Variants in WDSUB1 observed in about 807,000 individuals in gnomAD.
WDSUB1 encodes the protein WD repeat, sterile alpha motif and U-box domain containing 1.
WDSUB1 carries 49 observed loss-of-function variants against 53.9 expected under a neutral mutation model. The ratio of observed to expected loss-of-function variants is 0.91; its 90% CI spans 0.72 to 1.15. The LOEUF (loss-of-function observed/expected upper bound fraction) is 1.15, where lower values mean the gene tolerates loss of function less well. WDSUB1 is among the 50% of genes most tolerant of loss of function. The pLI, the probability that WDSUB1 is intolerant of heterozygous loss-of-function variation, is 0.00. For missense variants in WDSUB1, 514 were observed against 562.0 expected (o/e 0.91, Z 0.86); for synonymous variants, 194 against 200.6 (o/e 0.97, Z 0.28).
At chr2:159,278,104 C>G (rs573354361) in intron 3 of WDSUB1, among the ~76,000 whole-genome samples, 1 of 151,882 alleles carries the variant, frequency 6.6e-6, no homozygotes, top group South Asian at 2.1e-4. Flanking sequence ...CATTTAGAAC[C>G]AAAAAAGGAA....
chr2:159,280,708 A>AAAAAAAC (rs111752652), intron 2 of WDSUB1, among the ~76,000 whole-genome samples: 19 of 134,368 alleles, frequency 1.4e-4, no homozygotes, highest in African/African-American at 4.4e-4. Flanking sequence ...AAAAAAAAAA[A>AAAAAAAC]ATTACCCAGA....
chr2:159,252,638 C>CA (rs977520070), intron 9 of WDSUB1, among the ~76,000 whole-genome samples: 18 of 151,986 alleles, frequency 1.2e-4, no homozygotes, highest in African/African-American at 4.1e-4. Flanking sequence ...TAAACAACAA[C>CA]AAAAAAACTG....
intron 6 of WDSUB1, 71 bp downstream of exon 6, chr2:159,259,739 G>C: frequency 7.1e-7 from 1 of 1,405,254 alleles, no homozygotes; most frequent in Non-Finnish European, 9.6e-7. Context: ...TTTCTACCAG[G>C]CCTAACTTGA....
chr2:159,251,657 A>C (rs1044592789), intron 9 of WDSUB1, among the ~76,000 whole-genome samples: 1 of 152,228 alleles, frequency 6.6e-6, no homozygotes, highest in South Asian at 2.1e-4. Context: ...GTATTGGGCA[A>C]TATCTGGCTA....
chr2:159,242,602 C>A (rs1163965954), intron 10 of WDSUB1, among the ~76,000 whole-genome samples: 1 of 147,626 alleles, frequency 6.8e-6, no homozygotes. Flanking sequence ...TTGCAGTGAG[C>A]CAAGATTGTG....
At chr2:159,261,867 TATATATATATATATATATATATA>T (rs2061203493) in intron 5 of WDSUB1, among the ~76,000 whole-genome samples, 1 of 9,766 alleles carries the variant, frequency 1.0e-4, no homozygotes, top group Non-Finnish European at 2.0e-4. Flanking sequence ...TATATATATA[TATATATATATATATATATATATA>T]TATATATTTT....
At chr2:159,279,710 C>G (rs766985006) in intron 3 of WDSUB1, 51 bp downstream of exon 3, 25 of 1,520,644 alleles carry the variant, frequency 1.6e-5, no homozygotes, top group Non-Finnish European at 2.1e-5. Context: ...TCATATACAG[C>G]ACAAATTACA....
At chr2:159,242,539 G>T (rs1214949064) in intron 10 of WDSUB1, among the ~76,000 whole-genome samples, 1 of 147,392 alleles carries the variant, frequency 6.8e-6, no homozygotes, top group South Asian at 2.1e-4. Flanking sequence ...GCACATGCCT[G>T]TAATCCCAGC....
chr2:159,261,888 ATATATATATTTTTTTTTTTTTT>A (rs1558856609), intron 5 of WDSUB1, among the ~76,000 whole-genome samples: 3 of 14,256 alleles, frequency 2.1e-4, no homozygotes, highest in Admixed American at 1.3e-3. Flanking sequence ...ATATATATAT[ATATATATATTTTTTTTTTTTTT>A]TTTTTTTTTT....
intron 5 of WDSUB1, among the ~76,000 whole-genome samples, chr2:159,261,967 G>C (rs903577645): frequency 1.6e-5 from 2 of 121,334 alleles, no homozygotes; most frequent in Middle Eastern, 6.2e-3. Context: ...CTGGCTTTTG[G>C]TTAATTGACC....
At chr2:159,241,755 G>A (rs58061225) in intron 10 of WDSUB1, among the ~76,000 whole-genome samples, 69,357 of 135,280 alleles carry the variant, frequency 0.51, 20,465 homozygotes, top group African/African-American at 0.6. Flanking sequence ...CATTGTCGCC[G>A]GGGCTAGAGT....
intron 10 of WDSUB1, among the ~76,000 whole-genome samples, chr2:159,245,215 A>G (rs1397499934): frequency 6.6e-6 from 1 of 152,178 alleles, no homozygotes; most frequent in Non-Finnish European, 1.5e-5. Flanking sequence ...TGTGATTTTC[A>G]CTATCTGACT....
At chr2:159,280,384 G>A (rs532598295) in intron 2 of WDSUB1, among the ~76,000 whole-genome samples, 3 of 152,214 alleles carry the variant, frequency 2.0e-5, no homozygotes, top group East Asian at 1.9e-4. Flanking sequence ...TACTTACAAC[G>A]TCTGTATTAA....
intron 2 of WDSUB1, 67 bp from the exon 3 acceptor site, chr2:159,280,012 C>A: frequency 2.8e-6 from 4 of 1,414,878 alleles, no homozygotes; most frequent in Non-Finnish European, 3.8e-6. Context: ...CAGTCTCTAA[C>A]AGCAGCTTGA....
chr2:159,278,540 A>G (rs1035977688), intron 3 of WDSUB1, among the ~76,000 whole-genome samples: 5 of 152,230 alleles, frequency 3.3e-5, no homozygotes, highest in African/African-American at 1.2e-4. Flanking sequence ...ATGCAAAAAA[A>G]AGACTATATC....
At chr2:159,237,593 G>A (rs1463052151) in intron 10 of WDSUB1, among the ~76,000 whole-genome samples, 2 of 151,810 alleles carry the variant, frequency 1.3e-5, no homozygotes, top group Admixed American at 1.3e-4. Flanking sequence ...TCCAATCCTT[G>A]TTACCCACCC....
At chr2:159,285,722 T>A (rs2061779334) in intron 1 of WDSUB1, among the ~76,000 whole-genome samples, 1 of 152,154 alleles carries the variant, frequency 6.6e-6, no homozygotes. Context: ...AAACAAATAT[T>A]AAGGCATAAG....
rs58584838 is a variant in WDSUB1, at chr2:159,280,690, C to CAAA, written c.399-748_399-746dup. 1.3e-4 allele frequency among the ~76,000 whole-genome samples: 8 copies of CAAA among 59,592 alleles called. 1 individual carries two copies. Among genetic ancestry groups the CAAA allele is most frequent in the South Asian group, 5.9e-4 (1 of 1,688 alleles). 39.1% of individuals were successfully genotyped at this position (59,592 alleles called of 152,430 possible). A position where few individuals can be genotyped will look rare whatever the true frequency, so the allele number is the denominator to read the frequency against. On this transcript the variant is annotated intron_variant, in intron 2 of 10. Transcript: ENST00000359774. ...TGGGCGACAGAGCGAGACTCCGTCTCAAAAAAAAAAAAAAAAAAATTACCC... is the reference window on the plus strand; with the variant it reads ...TGGGCGACAGAGCGAGACTCCGTCTCAAAAAAAAAAAAAAAAAAAAAATTACCC...
intron 2 of WDSUB1, among the ~76,000 whole-genome samples, chr2:159,281,248 CT>C (rs71406164): frequency 3.6e-4 from 55 of 151,174 alleles, no homozygotes; most frequent in African/African-American, 1.2e-3. Flanking sequence ...AAAATTTTAA[CT>C]TTTTTTTTTG....
Sources: allele counts gnomAD v4.1 joint callset (sites outside exome capture counted in the v4.1 genomes callset), GRCh38; gene constraint gnomAD v4.1.1; transcripts MANE v1.5; gene names NCBI Gene and HGNC (gene_info 2026-07-23, HGNC 2026-07-21).